Variants in THTPA observed in about 807,000 individuals in gnomAD.
The protein encoded by THTPA is thiamine-triphosphatase.
In THTPA, 16 loss-of-function variants were observed where a neutral mutation model predicts 16.5. The ratio of observed to expected loss-of-function variants is 0.97; its 90% CI spans 0.66 to 1.47. The LOEUF (loss-of-function observed/expected upper bound fraction) is 1.47. Among genes scored for constraint, THTPA ranks in the 40% most tolerant of loss-of-function variants. THTPA has a pLI of 0.00. For synonymous variants in THTPA, 110 were observed against 115.5 expected (o/e 0.95, Z 0.30); for missense variants, 281 against 280.9 (o/e 1.00, Z 0.00).
the THTPA span, among the ~76,000 whole-genome samples, chr14:23,517,400 C>A: frequency 3.9e-5 from 6 of 152,146 alleles, no homozygotes; most frequent in Non-Finnish European, 8.8e-5. Context: ...GAGCTATAAT[C>A]CTGTAGACCC....
the THTPA span, chr14:23,531,578 C>A: frequency 5.2e-6 from 8 of 1,527,042 alleles, no homozygotes; most frequent in African/African-American, 1.1e-4. Flanking sequence ...GCTGCAGACG[C>A]CTCTGGGCCT....
In THTPA at chr14:23,556,539, C is replaced by T; in HGVS notation, c.-219C>T. ...CAGTGGAAGGGATTTTACTGGAGAC[C>T]TGTCACTGTCAGAGCCTTAAAATAT... is the stretch of plus-strand genomic sequence containing the variant. On this transcript the variant is annotated 5_prime_UTR_variant, in exon 1 of 2. Coordinates refer to ENST00000288014, the MANE Select transcript of THTPA (RefSeq NM_024328.6). 1 of 579,502 alleles carries T rather than the reference C, an allele frequency of 1.7e-6. No homozygotes were observed. The highest frequency in any genetic ancestry group is 3.0e-6 in the Non-Finnish European group (1 of 329,010). 35.9% of individuals were successfully genotyped at this position (579,502 alleles called of 1,614,324 possible). A position where few individuals can be genotyped will look rare whatever the true frequency, so the allele number is the denominator to read the frequency against.
At chr14:23,557,820 G>C (rs1882629269) in intron 1 of THTPA, among the ~76,000 whole-genome samples, 3 of 152,044 alleles carry the variant, frequency 2.0e-5, no homozygotes, top group Admixed American at 2.0e-4. Flanking sequence ...TTTTACAAAA[G>C]CTGCCCTCTG....
At chr14:23,543,464 T>G in the THTPA span, 1 of 152,314 alleles carries the variant, frequency 6.6e-6, no homozygotes, top group Non-Finnish European at 1.5e-5. Flanking sequence ...TGTATTACTC[T>G]GTGTGTCACC....
At chr14:23,529,855 C>T in the THTPA span, 1 of 1,372,358 alleles carries the variant, frequency 7.3e-7, no homozygotes, top group Non-Finnish European at 1.0e-6. Flanking sequence ...GGGAGTTGGG[C>T]ACTAGAGAAA....
At chr14:23,556,124 T>G, upstream of THTPA, 1 of 152,166 alleles carries the variant, frequency 6.6e-6, no homozygotes, top group Admixed American at 6.5e-5. Context: ...ACCGCGGGGG[T>G]CGCGGCCTCC....
chr14:23,523,204 T>C, the THTPA span: 1 of 1,421,376 alleles, frequency 7.0e-7, no homozygotes, highest in Non-Finnish European at 9.2e-7. The surrounding 1 kb of genome is among the most constrained non-coding windows in gnomAD (Gnocchi z 4.1). Context: ...CCTACTCACC[T>C]GAATTGAAAG....
the THTPA span, chr14:23,523,449 G>A: frequency 2.0e-6 from 3 of 1,535,834 alleles, no homozygotes; most frequent in South Asian, 3.6e-5. This position sits in a 1 kb window ranked among gnomAD's most constrained non-coding sequence, Gnocchi z 4.1. Flanking sequence ...CGGGAAAAGA[G>A]ATGGCCTCGG....
chr14:23,555,361 G>A (rs952341496), upstream of THTPA, among the ~76,000 whole-genome samples: 13 of 152,136 alleles, frequency 8.5e-5, no homozygotes, highest in Admixed American at 3.9e-4. Context: ...GGGACCGCTG[G>A]AAACTCTGAC....
At chr14:23,534,791 G>T in the THTPA span, 1 of 1,536,082 alleles carries the variant, frequency 6.5e-7, no homozygotes, top group African/African-American at 1.4e-5. The surrounding 1 kb of genome is among the most constrained non-coding windows in gnomAD (Gnocchi z 4.5). Context: ...CTAAAGCCTT[G>T]GATTGGGTCA....
At chr14:23,540,491 AG>A in the THTPA span, among the ~76,000 whole-genome samples, 1 of 152,188 alleles carries the variant, frequency 6.6e-6, no homozygotes, top group Non-Finnish European at 1.5e-5. Flanking sequence ...CATGGAGAGA[AG>A]GGGAAGAGAA....
At chr14:23,551,022 A>G (rs1490521567), upstream of THTPA, among the ~76,000 whole-genome samples, 2 of 148,324 alleles carry the variant, frequency 1.3e-5, no homozygotes, top group Admixed American at 6.7e-5. The surrounding 1 kb of genome is among the most constrained non-coding windows in gnomAD (Gnocchi z 5.3). Flanking sequence ...TAGGCTTTCC[A>G]TACCCTTCGT....
At chr14:23,527,840 G>A in the THTPA span, 1 of 1,525,442 alleles carries the variant, frequency 6.6e-7, no homozygotes, top group Non-Finnish European at 8.8e-7. Context: ...CGAAGTGTCA[G>A]GGAAGGATGG....
chr14:23,560,011 G>T lies in THTPA; in HGVS notation c.*1171G>T. ...CCGAGCTGGAACTGTGTTCCCACTG[G>T]GGGCCTGCAGCTGCAGCTGGAGACT... On this transcript the variant is annotated 3_prime_UTR_variant, in exon 2 of 2. Transcript: ENST00000288014. 6.2e-7 allele frequency: 1 copy of T among 1,610,816 alleles called. No homozygotes were observed.
At chr14:23,537,171 G>C in the THTPA span, among the ~76,000 whole-genome samples, 2 of 151,766 alleles carry the variant, frequency 1.3e-5, no homozygotes, top group South Asian at 4.2e-4. Flanking sequence ...AAAACAGAAA[G>C]AAAGAAATGA....
At chr14:23,534,251 G>C in the THTPA span, 1 of 1,527,252 alleles carries the variant, frequency 6.5e-7, no homozygotes, top group Admixed American at 2.0e-5. The surrounding 1 kb of genome is among the most constrained non-coding windows in gnomAD (Gnocchi z 4.5). Flanking sequence ...TCTTTGGCTT[G>C]GGTTGGGCTG....
the THTPA span, among the ~76,000 whole-genome samples, chr14:23,539,506 C>G: frequency 6.6e-6 from 1 of 152,056 alleles, no homozygotes; most frequent in Admixed American, 6.5e-5. Context: ...CAGGCCCTGA[C>G]CGAGCAAGAT....
chr14:23,534,294 G>A, the THTPA span: 58 of 1,534,188 alleles, frequency 3.8e-5, no homozygotes, highest in Non-Finnish European at 4.6e-5. The surrounding 1 kb of genome is among the most constrained non-coding windows in gnomAD (Gnocchi z 4.5). Flanking sequence ...GAGAGGGTGG[G>A]CTGAGGGCCA....
chr14:23,534,306 A>T, the THTPA span: 2 of 1,535,396 alleles, frequency 1.3e-6, no homozygotes, highest in African/African-American at 2.7e-5. The surrounding 1 kb of genome is among the most constrained non-coding windows in gnomAD (Gnocchi z 4.5). Context: ...TGAGGGCCAT[A>T]ACTTCTTCAT....
Sources: allele counts gnomAD v4.1 joint callset (sites outside exome capture counted in the v4.1 genomes callset), GRCh38; gene constraint gnomAD v4.1.1; non-coding constraint Gnocchi (gnomAD v3.1); transcripts MANE v1.5; gene names NCBI Gene and HGNC (gene_info 2026-07-23, HGNC 2026-07-21).